KIF7: variants seen among roughly 807,000 people sequenced by gnomAD.
KIF7 encodes the protein kinesin-like protein KIF7.
Under a neutral mutation model 135.7 loss-of-function variants are expected in KIF7, and 104 were observed. The ratio of observed to expected loss-of-function variants is 0.77; its 90% CI spans 0.65 to 0.90. The LOEUF (loss-of-function observed/expected upper bound fraction) is 0.90, where lower values mean the gene tolerates loss of function less well. KIF7 is among the 40% of genes least tolerant of loss of function. The pLI is 0.00. For missense variants in KIF7, 2,005 were observed against 1,839.1 expected (o/e 1.09, Z -1.65); for synonymous variants, 883 against 809.4 (o/e 1.09, Z -1.54).
chr15:89,631,034 T>TG lies in KIF7; in HGVS notation c.3111+460dup. 1.8e-5 allele frequency: 4 copies of TG among 227,034 alleles called. No individual in the cohort carries two copies. In the Admixed American group the frequency reaches 2.1e-4, roughly 12 times the overall value. The allele number at this position is 227,034 out of a possible 1,614,324, so 14.1% of individuals were successfully genotyped here. On this transcript the variant is annotated intron_variant, in intron 15 of 18. Transcript: ENST00000394412. ...AAACATAGAAAACGCACAGTAAAAA[T>TG]GCGGTGTTATAATTTTCTGGGAGCA...
rs558534554 is a variant in KIF7 at position 89,630,125 on chromosome 15, G to C, written c.3318+162C>G. The C allele has an allele frequency of 1.3e-5, 9 of 684,458 alleles. No homozygotes were observed. The East Asian group carries it at 2.4e-4, about 19-fold the overall frequency. The allele number at this position is 684,458 out of a possible 1,614,324, so 42.4% of individuals were successfully genotyped here. On this transcript the variant is annotated intron_variant, in intron 16 of 18. Coordinates refer to ENST00000394412, the MANE Select transcript of KIF7 (RefSeq NM_198525.3). Reference sequence around the variant, plus strand: ...AGGAAACTGGGTCTTAGTTTCACAAGTAAAATAGGCTTTAAGGTCAGGCGG... The same window carrying C: ...AGGAAACTGGGTCTTAGTTTCACAACTAAAATAGGCTTTAAGGTCAGGCGG...
chr15:89,660,219 C>T (rs1964244674), upstream of KIF7, among the ~76,000 whole-genome samples: 1 of 152,158 alleles, frequency 6.6e-6, no homozygotes, highest in Non-Finnish European at 1.5e-5. Context: ...TATATGGAAA[C>T]AATCCAAATG....
At chr15:89,658,446 CAGAGAG>C (rs142155148), upstream of KIF7, among the ~76,000 whole-genome samples, 241 of 144,302 alleles carry the variant, frequency 1.7e-3, no homozygotes, top group African/African-American at 6.0e-3. Flanking sequence ...ACCCCATCTC[CAGAGAG>C]AGAGAGAGAG....
At position 89,645,458 on chromosome 15, in the gene KIF7, G is replaced by A; in HGVS notation, c.1923-7C>T. The A allele has an allele frequency of 2.5e-6, 4 of 1,603,420 alleles. No individual in the cohort carries two copies. The highest frequency in any genetic ancestry group is 2.2e-5 in the South Asian group (2 of 89,954). On this transcript the variant is annotated splice_polypyrimidine_tract_variant and splice_region_variant and intron_variant, in intron 8 of 18. Transcript: ENST00000394412. ...GCAGTTGCTGATCCTATTTCTGGAGGACAGAAGCAGGAGGCCATGCTCCTC... is the reference window on the plus strand; with the variant it reads ...GCAGTTGCTGATCCTATTTCTGGAGAACAGAAGCAGGAGGCCATGCTCCTC...
chr15:89,660,985 C>G, the KIF7 span, among the ~76,000 whole-genome samples: 1 of 152,210 alleles, frequency 6.6e-6, no homozygotes, highest in Non-Finnish European at 1.5e-5. Context: ...GATCTGCAGG[C>G]TGAAGCAGAG....
downstream of KIF7, chr15:89,624,805 T>C (rs1437469515): frequency 2.5e-6 from 4 of 1,614,130 alleles, no homozygotes; most frequent in Admixed American, 3.3e-5. Context: ...TGCTGAGAAG[T>C]CTTCTCTGTC....
In KIF7 at chr15:89,628,444, A is replaced by G. The variant is rs747455856; in HGVS notation, c.4007T>C (p.Ile1336Thr). 2.1e-5 allele frequency: 33 copies of G among 1,607,968 alleles called. No individual in the cohort carries two copies. Among genetic ancestry groups the G allele is most frequent in the East Asian group, 4.5e-5 (2 of 44,800 alleles). Residue 1336 changes from isoleucine (I) to threonine (T), a missense_variant, in exon 19 of 19, where the codon ATT (isoleucine) becomes ACT (threonine). Coordinates refer to ENST00000394412, the MANE Select transcript of KIF7 (RefSeq NM_198525.3). ...TTACAGGGGGTTTTTCCGGACATCA[A>G]TCATCCCCGGGCTGGCTCGTCGCAG... ...RELRRASPGM[I>T]DVRKNPL
intron 7 of KIF7, 54 bp downstream of exon 7, chr15:89,646,776 G>A (rs1397643616): frequency 3.2e-6 from 5 of 1,551,970 alleles, no homozygotes; most frequent in Admixed American, 1.7e-5. Context: ...CCCCTGCCCC[G>A]AACTTGACCA....
chr15:89,626,302 CA>C (rs1176167309), downstream of KIF7, among the ~76,000 whole-genome samples: 1 of 152,218 alleles, frequency 6.6e-6, no homozygotes, highest in African/African-American at 2.4e-5. Flanking sequence ...AAAATGTTGA[CA>C]GTCGTGGGCT....
chr15:89,662,810 C>G, the KIF7 span, among the ~76,000 whole-genome samples: 3 of 152,226 alleles, frequency 2.0e-5, no homozygotes, highest in East Asian at 5.8e-4. Context: ...TTTAGAGGAG[C>G]TACTTTGCCC....
intron 12 of KIF7, 92 bp downstream of exon 12, chr15:89,633,594 G>A: frequency 1.5e-6 from 2 of 1,371,816 alleles, no homozygotes; most frequent in South Asian, 2.4e-5. Context: ...ACGTGGCTGT[G>A]GGTTGCAAAC....
At chr15:89,630,587 G>A in intron 15 of KIF7, 94 bp from the exon 16 acceptor site, 2 of 1,047,434 alleles carry the variant, frequency 1.9e-6, no homozygotes. Context: ...AGCCACAACT[G>A]GGCCTTAAGG....
intron 11 of KIF7, among the ~76,000 whole-genome samples, chr15:89,634,982 G>C (rs144300795): frequency 6.6e-6 from 1 of 152,222 alleles, no homozygotes; most frequent in African/African-American, 2.4e-5. Context: ...GGAGACCTGA[G>C]AACAGGCAGA....
intron 7 of KIF7, 143 bp downstream of exon 7, chr15:89,646,687 C>T: frequency 1.3e-6 from 1 of 765,942 alleles, no homozygotes. Flanking sequence ...CCTCTGGGGA[C>T]AGCTGAAAGC....
chr15:89,627,262 C>A (rs1401203142), downstream of KIF7: 3 of 739,004 alleles, frequency 4.1e-6, no homozygotes, highest in East Asian at 5.5e-5. Flanking sequence ...CTGGCCCTGC[C>A]CCTTGTTGGG....
Position 89,647,004 on chromosome 15 carries a change from T to C in KIF7, c.1614A>G (p.Leu538=). The change falls in exon 7 of 19, where the codon TTA becomes TTG. Residue 538 remains leucine (L), a synonymous_variant. Transcript: ENST00000394412. ...QEEMVELRLR[L]ELVRPGWGGP... ...CCCCCCAGCCTGGCCGCACCAGCTCTAACCGCAGCCGCAGTTCCACCATCT... is the reference window on the plus strand; with the variant it reads ...CCCCCCAGCCTGGCCGCACCAGCTCCAACCGCAGCCGCAGTTCCACCATCT... 6.2e-7 allele frequency: 1 copy of C among 1,612,352 alleles called. No individual in the cohort carries two copies. Among genetic ancestry groups the C allele is most frequent in the South Asian group, 1.1e-5 (1 of 90,976 alleles).
At chr15:89,625,343 C>A (rs1567053884), downstream of KIF7, 1 of 1,614,102 alleles carries the variant, frequency 6.2e-7, no homozygotes, top group Non-Finnish European at 8.5e-7. Context: ...GGGAAGACAA[C>A]TCCAGACATA....
downstream of KIF7, chr15:89,625,962 G>A (rs138294313): frequency 2.8e-5 from 45 of 1,596,056 alleles, no homozygotes; most frequent in South Asian, 1.4e-4. Context: ...CAGCTGTGCC[G>A]TGCGGAGCTG....
downstream of KIF7, chr15:89,627,845 G>A (rs1288137651): frequency 1.3e-5 from 2 of 152,538 alleles, no homozygotes; most frequent in Non-Finnish European, 2.9e-5. Flanking sequence ...CTGGCCAGGG[G>A]TCTGGCTAAC....
Sources: allele counts gnomAD v4.1 joint callset (sites outside exome capture counted in the v4.1 genomes callset), GRCh38; gene constraint gnomAD v4.1.1; transcripts MANE v1.5; gene names NCBI Gene and HGNC (gene_info 2026-07-23, HGNC 2026-07-21).